Variants in ELK3 observed in about 807,000 individuals in gnomAD.
ELK3 encodes ETS domain-containing protein Elk-3.
In ELK3, 10 loss-of-function variants were observed where a neutral mutation model predicts 28.9. That is an observed-to-expected ratio of 0.35 (90% CI 0.21 to 0.59). ELK3 has a LOEUF of 0.59. ELK3 is among the 20% of genes least tolerant of loss of function. The pLI is 0.82. For synonymous variants in ELK3, 272 were observed against 243.5 expected, an observed-to-expected ratio of 1.12 and a Z score of -1.09; for missense variants, 463 against 517.3, an observed-to-expected ratio of 0.90 and a Z score of 1.02.
chr12:96,246,924 A>G lies in ELK3; in HGVS notation c.208-16A>G, dbSNP rs764359645. The G allele has an allele frequency of 3.1e-5, 49 of 1,572,530 alleles. No individual in the cohort carries two copies. Among genetic ancestry groups the G allele is most frequent in the Non-Finnish European group, 4.1e-5 (47 of 1,157,328 alleles). On this transcript the variant is annotated splice_polypyrimidine_tract_variant and intron_variant, in intron 2 of 4. Coordinates refer to ENST00000228741, the MANE Select transcript of ELK3 (RefSeq NM_005230.4). The stretch of plus-strand genomic sequence containing the variant: ...GGGTGCACTCAGATTTTCAACGTCT[A>G]CTTTTGTATTTGCAGAACATCATCA...
At chr12:96,224,207 C>T (rs773322267) in intron 2 of ELK3, among the ~76,000 whole-genome samples, 1 of 152,134 alleles carries the variant, frequency 6.6e-6, no homozygotes, top group Non-Finnish European at 1.5e-5. Flanking sequence ...TTCAGTGCCT[C>T]AGTATCCTCG....
chr12:96,198,271 G>C (rs968156967), intron 1 of ELK3: 3 of 152,158 alleles, frequency 2.0e-5, no homozygotes, highest in Non-Finnish European at 2.9e-5. Flanking sequence ...TATGTTGCCA[G>C]GGCTGGCCTT....
At chr12:96,220,382 AT>A (rs35309478) in intron 1 of ELK3, among the ~76,000 whole-genome samples, 3,792 of 100,254 alleles carry the variant, frequency 0.038, 47 homozygotes, top group African/African-American at 0.054. Context: ...CTTTTTCGTG[AT>A]TTTTTTTTTT....
chr12:96,207,828 TAA>T (rs1320065182), intron 1 of ELK3, among the ~76,000 whole-genome samples: 4 of 152,196 alleles, frequency 2.6e-5, no homozygotes, highest in Non-Finnish European at 5.9e-5. Context: ...AAAAGATGAA[TAA>T]TGCAATTAAC....
intron 3 of ELK3, among the ~76,000 whole-genome samples, chr12:96,251,933 G>A (rs1319850393): frequency 6.6e-6 from 1 of 152,214 alleles, no homozygotes; most frequent in East Asian, 1.9e-4. Context: ...TGATGAAGGT[G>A]GCTACGTCAA....
intron 1 of ELK3, among the ~76,000 whole-genome samples, chr12:96,200,751 C>G (rs565382658): frequency 1.3e-5 from 2 of 152,354 alleles, no homozygotes; most frequent in African/African-American, 4.8e-5. Context: ...CAACCTCCGC[C>G]TCCTGTGTCT....
At chr12:96,266,771 GTAGCT>G (rs1194337908) in intron 4 of ELK3, among the ~76,000 whole-genome samples, 1 of 152,090 alleles carries the variant, frequency 6.6e-6, no homozygotes, top group African/African-American at 2.4e-5. Context: ...AGCATCCTGA[GTAGCT>G]TAGAACTTTT....
intron 1 of ELK3, among the ~76,000 whole-genome samples, chr12:96,202,180 G>A (rs1445217847): frequency 1.3e-5 from 2 of 152,108 alleles, no homozygotes; most frequent in Non-Finnish European, 2.9e-5. Flanking sequence ...GATCTGACCA[G>A]GTCATTCTTC....
intron 2 of ELK3, among the ~76,000 whole-genome samples, chr12:96,243,826 G>A (rs1469655789): frequency 6.6e-6 from 1 of 151,350 alleles, no homozygotes; most frequent in Non-Finnish European, 1.5e-5. Flanking sequence ...CTGGGCAACA[G>A]AGCGAGACTC....
intron 1 of ELK3, among the ~76,000 whole-genome samples, chr12:96,217,576 C>A (rs1156921177): frequency 1.3e-5 from 2 of 152,120 alleles, no homozygotes; most frequent in African/African-American, 4.8e-5. Flanking sequence ...AAATCTCGAA[C>A]GTGTTCATTT....
At chr12:96,232,586 T>A (rs1317189265) in intron 2 of ELK3, among the ~76,000 whole-genome samples, 7 of 86,580 alleles carry the variant, frequency 8.1e-5, no homozygotes, top group Admixed American at 4.5e-4. Flanking sequence ...AAAAAATAAA[T>A]AAAAATACAT....
intron 2 of ELK3, among the ~76,000 whole-genome samples, chr12:96,241,919 C>G (rs560724903): frequency 6.6e-6 from 1 of 152,338 alleles, no homozygotes; most frequent in South Asian, 2.1e-4. Context: ...ACATGGAATG[C>G]CTGCCGGGCA....
intron 1 of ELK3, among the ~76,000 whole-genome samples, chr12:96,195,639 C>G (rs1385671482): frequency 6.6e-6 from 1 of 152,094 alleles, no homozygotes; most frequent in Non-Finnish European, 1.5e-5. Flanking sequence ...ATTTCAGAAA[C>G]TGCAAAAGGG....
intron 1 of ELK3, among the ~76,000 whole-genome samples, chr12:96,195,346 C>G (rs1951456531): frequency 6.6e-6 from 1 of 152,108 alleles, no homozygotes; most frequent in South Asian, 2.1e-4. Flanking sequence ...AGGCGCACGC[C>G]CCATCGGACA....
At chr12:96,210,240 C>G (rs749621600) in intron 1 of ELK3, among the ~76,000 whole-genome samples, 5 of 152,172 alleles carry the variant, frequency 3.3e-5, no homozygotes, top group African/African-American at 4.8e-5. Context: ...GACTGCGGAA[C>G]AGCCTGTTTT....
intron 2 of ELK3, among the ~76,000 whole-genome samples, chr12:96,243,559 T>C (rs760003958): frequency 1.3e-5 from 2 of 151,682 alleles, no homozygotes; most frequent in Non-Finnish European, 2.9e-5. Context: ...CCCGTCTCTA[T>C]AAAAATTAGG....
intron 2 of ELK3, among the ~76,000 whole-genome samples, chr12:96,233,988 T>C (rs1299435663): frequency 1.3e-5 from 2 of 152,206 alleles, no homozygotes; most frequent in Non-Finnish European, 2.9e-5. Context: ...GCGCAGGGGA[T>C]GACCAGGGCC....
At chr12:96,252,832 TTTACA>T (rs1452747478) in intron 3 of ELK3, among the ~76,000 whole-genome samples, 1 of 152,220 alleles carries the variant, frequency 6.6e-6, no homozygotes, top group Non-Finnish European at 1.5e-5. Flanking sequence ...ATTACATAAC[TTTACA>T]TTACATTACT....
At chr12:96,195,343 C>G (rs1951456479) in intron 1 of ELK3, among the ~76,000 whole-genome samples, 1 of 152,138 alleles carries the variant, frequency 6.6e-6, no homozygotes. Context: ...CCCAGGCGCA[C>G]GCCCCATCGG....
Sources: gnomAD v4.1 joint callset for allele counts (sites outside exome capture counted in the v4.1 genomes callset) on GRCh38, gnomAD v4.1.1 for gene constraint, MANE v1.5 for transcripts, NCBI Gene and HGNC (gene_info 2026-07-23, HGNC 2026-07-21) for gene names.